MAP4K1: variants seen among roughly 807,000 people sequenced by gnomAD.
MAP4K1 encodes the protein MAPK/ERK kinase kinase kinase 1.
A neutral mutation model predicts 122.8 loss-of-function variants in MAP4K1; 35 were observed. That is an observed-to-expected ratio of 0.29 (90% CI 0.22 to 0.38). The LOEUF (loss-of-function observed/expected upper bound fraction) is 0.38. Ranked by LOEUF, MAP4K1 falls within the 10% of genes least tolerant of loss-of-function variation. MAP4K1 has a pLI of 1.00. For synonymous variants in MAP4K1, 412 were observed against 421.3 expected (o/e 0.98, Z 0.27); for missense variants, 791 against 1,072.6 (o/e 0.74, Z 3.67).
chr19:38,594,037 A>G (rs1342331003), intron 29 of MAP4K1, among the ~76,000 whole-genome samples: 2 of 152,220 alleles, frequency 1.3e-5, no homozygotes, highest in Non-Finnish European at 2.9e-5. Flanking sequence ...AAGGCCACTC[A>G]GCTGAATTCC....
At position 38,614,380 on chromosome 19, in the gene MAP4K1, C is replaced by T; in HGVS notation, c.369+10G>A. 6.2e-7 allele frequency: 1 copy of T among 1,614,230 alleles called. No homozygotes were observed. The highest frequency in any genetic ancestry group is 8.5e-7 in the Non-Finnish European group (1 of 1,180,036). ...CCTCCCATCCCCAGAATCCCCAGGCCTCTCCTTACCTGGAGCACTTCCCGG... is the reference window on the plus strand; with the variant it reads ...CCTCCCATCCCCAGAATCCCCAGGCTTCTCCTTACCTGGAGCACTTCCCGG... On this transcript the variant is annotated intron_variant, in intron 5 of 30. Transcript: ENST00000396857.
intron 4 of MAP4K1, among the ~76,000 whole-genome samples, chr19:38,615,227 T>G (rs1258161927): frequency 1.4e-3 from 143 of 101,700 alleles, no homozygotes; most frequent in Middle Eastern, 5.3e-3. Context: ...GGGGGTGGGG[T>G]GGAGTGGAGG....
Position 38,617,938 on chromosome 19 carries a change from G to A in MAP4K1, c.-43C>T. ...GGGCCTGCGCCCAGGGGCCAGCAGG[G>A]CCTCAGGGCTCAACTTCTGGCACCT... On this transcript the variant is annotated 5_prime_UTR_variant, in exon 1 of 31. Transcript: ENST00000396857. This position sits in a 1 kb window ranked among gnomAD's most constrained non-coding sequence, Gnocchi z 4.1. 1 of 1,548,114 alleles carries A rather than the reference G, an allele frequency of 6.5e-7. No individual in the cohort carries two copies. Among genetic ancestry groups the A allele is most frequent in the Middle Eastern group, 1.8e-4 (1 of 5,586 alleles).
At chr19:38,605,809 G>T in intron 17 of MAP4K1, 79 bp from the exon 18 acceptor site, 1 of 1,377,638 alleles carries the variant, frequency 7.3e-7, no homozygotes, top group Non-Finnish European at 9.9e-7. Flanking sequence ...TCAAGTCCCT[G>T]CCTCCACCAG....
Position 38,601,528 on chromosome 19 carries a change from G to A in MAP4K1, c.1447-3C>T, listed in dbSNP as rs113414017. ...AACTTTACGAGAAGGGCACATCCCT[G>A]GGCAGGTCGCCGCGGGGCCAGGCAG... is the stretch of plus-strand genomic sequence containing the variant. On this transcript the variant is annotated splice_polypyrimidine_tract_variant and splice_region_variant and intron_variant, in intron 19 of 30. Transcript: ENST00000396857. The A allele has an allele frequency of 6.2e-6, 10 of 1,603,028 alleles. No individual in the cohort carries two copies. The African/African-American group carries it at 9.3e-5, about 15-fold the overall frequency.
At chr19:38,594,398 C>T (rs1351706616) in intron 29 of MAP4K1, among the ~76,000 whole-genome samples, 1 of 152,012 alleles carries the variant, frequency 6.6e-6, no homozygotes, top group Non-Finnish European at 1.5e-5. Flanking sequence ...CCAGCACTTT[C>T]GGAGGCTGAG....
chr19:38,592,962 T>C (rs1974771789), intron 30 of MAP4K1, among the ~76,000 whole-genome samples: 1 of 151,010 alleles, frequency 6.6e-6, no homozygotes, highest in Admixed American at 6.6e-5. Flanking sequence ...TTGCTGGGCA[T>C]GGTGGCACAT....
rs1471877903 is a variant in MAP4K1 at position 38,611,315 on chromosome 19, T to C, written c.666-10A>G. 1 of 1,606,680 alleles carries C rather than the reference T, an allele frequency of 6.2e-7. No homozygotes were observed. Among genetic ancestry groups the C allele is most frequent in the South Asian group, 1.1e-5 (1 of 90,854 alleles). On this transcript the variant is annotated splice_polypyrimidine_tract_variant and intron_variant, in intron 9 of 30. Coordinates refer to ENST00000396857, the MANE Select transcript of MAP4K1 (RefSeq NM_001042600.3). ...CATGAGGAAGAGAACTCTAGAATAG[T>C]AGGGAAAGGACATGGGGTTCAGACC...
At position 38,617,483 on chromosome 19, in the gene MAP4K1, G is replaced by A. The variant is rs1975683521; in HGVS notation, c.158-39C>T. 1.3e-6 allele frequency: 2 copies of A among 1,590,978 alleles called. No homozygotes were observed. The highest frequency in any genetic ancestry group is 2.2e-5 in the South Asian group (2 of 90,672). On this transcript the variant is annotated intron_variant, in intron 2 of 30. Transcript: ENST00000396857. This position sits in a 1 kb window ranked among gnomAD's most constrained non-coding sequence, Gnocchi z 4.1. The stretch of plus-strand genomic sequence containing the variant: ...GGGAGAGAAAAGGCAGCTCGCATGG[G>A]GAGAGAGCTACAGGGGAGGTGATCC...
At position 38,597,447 on chromosome 19, in the gene MAP4K1, T is replaced by C. The variant is rs1451420829; in HGVS notation, c.1778+39A>G. 6.8e-6 allele frequency: 11 copies of C among 1,612,728 alleles called. No individual in the cohort carries two copies. Among genetic ancestry groups the C allele is most frequent in the Non-Finnish European group, 8.5e-7 (1 of 1,178,928 alleles). ...AGGAGGCAGAGGGGCATGGGAGGAA[T>C]TATAAGGCTGTGTGGTGCCATTCAT... On this transcript the variant is annotated intron_variant, in intron 23 of 30. Coordinates refer to ENST00000396857, the MANE Select transcript of MAP4K1 (RefSeq NM_001042600.3). The surrounding 1 kb of genome is among the most constrained non-coding windows in gnomAD (Gnocchi z 4.6).
chr19:38,608,263 G>T (rs1362725018), intron 13 of MAP4K1, 93 bp from the exon 14 acceptor site: 2 of 571,532 alleles, frequency 3.5e-6, no homozygotes, highest in South Asian at 2.7e-5. Context: ...TTGGCGGGGG[G>T]GTTGCAGTCA....
At position 38,609,492 on chromosome 19, in the gene MAP4K1, T is replaced by A. The variant is rs1026051548; in HGVS notation, c.1006+104A>T. 3.1e-6 allele frequency: 3 copies of A among 971,588 alleles called. No individual in the cohort carries two copies. In the East Asian group the frequency reaches 7.9e-5, roughly 26 times the overall value. 60.2% of individuals were successfully genotyped at this position (971,588 alleles called of 1,614,324 possible). A position where few individuals can be genotyped will look rare whatever the true frequency, so the allele number is the denominator to read the frequency against. On this transcript the variant is annotated intron_variant, in intron 13 of 30. Coordinates refer to ENST00000396857, the MANE Select transcript of MAP4K1 (RefSeq NM_001042600.3). ...AGATTGTCTGGGGTCTCTTATAGGATCAGATGATGCTGAGGGTCTCTGGAG... is the reference window on the plus strand; with the variant it reads ...AGATTGTCTGGGGTCTCTTATAGGAACAGATGATGCTGAGGGTCTCTGGAG...
chr19:38,601,076 G>A (rs1975048405), intron 20 of MAP4K1, among the ~76,000 whole-genome samples: 1 of 152,092 alleles, frequency 6.6e-6, no homozygotes, highest in Non-Finnish European at 1.5e-5. Context: ...AAAGTGCTGG[G>A]ATTACAGGCG....
At chr19:38,596,891 C>G (rs1468234692) in intron 25 of MAP4K1, 143 bp downstream of exon 25, 14 of 761,912 alleles carry the variant, frequency 1.8e-5, no homozygotes, top group East Asian at 1.1e-4. Context: ...CAAGCGCAGA[C>G]CGCAGGTGGG....
chr19:38,610,136 G>C (rs1975453091), intron 11 of MAP4K1, 111 bp from the exon 12 acceptor site: 1 of 730,780 alleles, frequency 1.4e-6, no homozygotes, highest in Non-Finnish European at 2.4e-6. Flanking sequence ...AAGGAATCTA[G>C]CTGGGGAGAA....
chr19:38,594,818 G>A (rs757673805), intron 29 of MAP4K1, among the ~76,000 whole-genome samples: 2 of 151,834 alleles, frequency 1.3e-5, no homozygotes, highest in African/African-American at 2.4e-5. Context: ...GCATGCACCT[G>A]TAGTCTCAGC....
chr19:38,599,998 G>A lies in MAP4K1; in HGVS notation c.1609-13C>T. ...GGCTAGGAAAGAGCTGCAGGGAATG[G>A]GAGAGATGGCTCTGGTGACACCCCA... On this transcript the variant is annotated splice_polypyrimidine_tract_variant and intron_variant, in intron 21 of 30. Transcript: ENST00000396857. The A allele has an allele frequency of 1.2e-6, 2 of 1,614,174 alleles. No homozygotes were observed. Among genetic ancestry groups the A allele is most frequent in the Non-Finnish European group, 1.7e-6 (2 of 1,180,018 alleles).
At position 38,597,503 on chromosome 19, in the gene MAP4K1, G is replaced by A; in HGVS notation, c.1761C>T (p.Pro587=). The stretch of plus-strand genomic sequence containing the variant: ...GCTGGTACCTTGCCAGTAGGCGGTG[G>A]GGGCTAATGTGAGCGATGGGGTTTC... ...RAGNPIAHIS[P]HRLLARKNMV... is the part of the protein sequence containing the mutation. The change falls in exon 23 of 31, where the codon CCC becomes CCT. Residue 587 remains proline, a synonymous_variant. Coordinates refer to ENST00000396857, the MANE Select transcript of MAP4K1 (RefSeq NM_001042600.3). This position sits in a 1 kb window ranked among gnomAD's most constrained non-coding sequence, Gnocchi z 4.6. 1.2e-6 allele frequency: 2 copies of A among 1,614,094 alleles called. No homozygotes were observed. The highest frequency in any genetic ancestry group is 2.2e-5 in the South Asian group (2 of 91,070).
chr19:38,612,100 AAAAT>A (rs983627950), intron 9 of MAP4K1, among the ~76,000 whole-genome samples: 4 of 151,682 alleles, frequency 2.6e-5, no homozygotes, highest in African/African-American at 7.3e-5. Context: ...CTCCATCTCA[AAAAT>A]AAATAAATAA....
Sources: allele counts gnomAD v4.1 joint callset (sites outside exome capture counted in the v4.1 genomes callset), GRCh38; gene constraint gnomAD v4.1.1; non-coding constraint Gnocchi (gnomAD v3.1); transcripts MANE v1.5; gene names NCBI Gene and HGNC (gene_info 2026-07-23, HGNC 2026-07-21).